ELMO1: variants seen among roughly 807,000 people sequenced by gnomAD.
ELMO1 encodes engulfment and cell motility protein 1.
A neutral mutation model predicts 98.9 loss-of-function variants in ELMO1; 26 were observed. The ratio of observed to expected loss-of-function variants is 0.26; its 90% CI spans 0.19 to 0.36. ELMO1 has a LOEUF of 0.36. ELMO1 is among the 10% of genes least tolerant of loss of function. The pLI is 1.00. For missense variants in ELMO1, 627 were observed against 935.2 expected, an observed-to-expected ratio of 0.67 and a Z score of 4.30; for synonymous variants, 346 against 346.0, an observed-to-expected ratio of 1.00 and a Z score of 0.00.
chr7:37,069,928 A>C (rs1211688064), intron 15 of ELMO1, among the ~76,000 whole-genome samples: 1 of 152,168 alleles, frequency 6.6e-6, no homozygotes, highest in Non-Finnish European at 1.5e-5. Flanking sequence ...CTCTCTCTGC[A>C]TATTTATATC....
At chr7:37,310,560 C>G (rs988360970) in intron 4 of ELMO1, among the ~76,000 whole-genome samples, 1 of 152,184 alleles carries the variant, frequency 6.6e-6, no homozygotes, top group African/African-American at 2.4e-5. Context: ...CCAAGTTACC[C>G]TCAGAAGGAA....
chr7:37,177,464 A>C (rs999408057), intron 13 of ELMO1, among the ~76,000 whole-genome samples: 6 of 152,260 alleles, frequency 3.9e-5, no homozygotes. Flanking sequence ...TTCAAGTTAC[A>C]GCACAATAAT....
At chr7:37,066,294 T>C (rs1796957848) in intron 15 of ELMO1, among the ~76,000 whole-genome samples, 1 of 152,070 alleles carries the variant, frequency 6.6e-6, no homozygotes, top group South Asian at 2.1e-4. Context: ...GCATGTCCAT[T>C]AATGCAAGCA....
Position 37,363,332 on chromosome 7 carries a change from G to A in ELMO1, c.-73-20569C>T, listed in dbSNP as rs537859502. Among the ~76,000 whole-genome samples the A allele has an allele frequency of 5.3e-5, 8 of 152,188 alleles. No homozygotes were observed. The East Asian group carries it at 1.5e-3, about 29-fold the overall frequency. ...ATCTATTCTCTACATAGCCACCAAA[G>A]TCGAAACCACAAAGACTTTCAAACA... On this transcript the variant is annotated intron_variant, in intron 1 of 21. Coordinates refer to ENST00000310758, the MANE Select transcript of ELMO1 (RefSeq NM_014800.11).
intron 1 of ELMO1, among the ~76,000 whole-genome samples, chr7:37,354,886 G>A (rs1324708065): frequency 6.6e-6 from 1 of 152,118 alleles, no homozygotes; most frequent in Non-Finnish European, 1.5e-5. Context: ...CTTCTTTCTT[G>A]GGCCTCTCTC....
chr7:37,012,997 T>A (rs1282095490), intron 16 of ELMO1, among the ~76,000 whole-genome samples: 1 of 152,192 alleles, frequency 6.6e-6, no homozygotes, highest in African/African-American at 2.4e-5. Flanking sequence ...AAACTAATGC[T>A]ATGAAAGAAA....
Position 36,963,716 on chromosome 7 carries a change from T to C in ELMO1, c.1437+49583A>G, listed in dbSNP as rs557027177. On this transcript the variant is annotated intron_variant, in intron 16 of 21. Transcript: ENST00000310758. The stretch of plus-strand genomic sequence containing the variant: ...TAACAGTGTTGATTTGTCACCTATA[T>C]GTCTATACCCAATGTGTCTTCAGTT... 7.2e-5 allele frequency among the ~76,000 whole-genome samples: 11 copies of C among 152,354 alleles called. No homozygotes were observed. The South Asian group carries it at 2.3e-3, about 32-fold the overall frequency.
At chr7:37,024,357 C>T (rs956333625) in intron 15 of ELMO1, among the ~76,000 whole-genome samples, 1 of 152,306 alleles carries the variant, frequency 6.6e-6, no homozygotes, top group South Asian at 2.1e-4. Flanking sequence ...AATGGGAAGC[C>T]ATTAAAGGGG....
At chr7:37,383,068 C>T (rs958494368) in intron 1 of ELMO1, among the ~76,000 whole-genome samples, 6 of 152,124 alleles carry the variant, frequency 3.9e-5, no homozygotes, top group African/African-American at 1.2e-4. Context: ...AATCACAGCA[C>T]AATAATCAAA....
chr7:36,880,660 G>C (rs891029376), intron 18 of ELMO1, among the ~76,000 whole-genome samples: 1 of 152,202 alleles, frequency 6.6e-6, no homozygotes. Context: ...AGCTCCCTCA[G>C]TTCTTCAAGG....
At chr7:36,900,714 C>T (rs1312852820) in intron 16 of ELMO1, among the ~76,000 whole-genome samples, 1 of 152,136 alleles carries the variant, frequency 6.6e-6, no homozygotes, top group Non-Finnish European at 1.5e-5. Flanking sequence ...TACAATCTAC[C>T]CCCAACCAGT....
chr7:37,410,125 C>T (rs1358216284), intron 1 of ELMO1, among the ~76,000 whole-genome samples: 1 of 152,210 alleles, frequency 6.6e-6, no homozygotes, highest in African/African-American at 2.4e-5. Flanking sequence ...CTTTACAATT[C>T]CTGCTGTAAT....
chr7:37,021,146 C>T (rs1037557709), intron 15 of ELMO1, among the ~76,000 whole-genome samples: 7 of 152,012 alleles, frequency 4.6e-5, no homozygotes, highest in Non-Finnish European at 8.8e-5. Flanking sequence ...AAGTTCAGAA[C>T]CTTTTGTAGG....
chr7:37,259,323 G>A lies in ELMO1; in HGVS notation c.271C>T (p.Arg91Ter). The change falls in exon 6 of 22, where the codon CGA becomes TGA. Residue 91 changes from arginine to a stop codon, truncating the protein, a stop_gained. Transcript: ENST00000310758. LOFTEE classifies it high-confidence loss of function. ...GCATCCATACTCGAGGACTGGATTC[G>A]TTCATGGAGCTGCTGGGCGTTCTGA... is the stretch of plus-strand genomic sequence containing the variant. Reference protein sequence around the residue: ...PAQNAQQLHERIQSSSMDAKL... With the variant: ...PAQNAQQLHE The A allele has an allele frequency of 3.1e-6, 5 of 1,614,154 alleles. No homozygotes were observed. The highest frequency in any genetic ancestry group is 2.2e-5 in the East Asian group (1 of 44,888).
intron 16 of ELMO1, among the ~76,000 whole-genome samples, chr7:36,982,292 T>C (rs1016166022): frequency 3.3e-5 from 5 of 152,234 alleles, no homozygotes; most frequent in Admixed American, 3.3e-4. Context: ...ACATGTCATA[T>C]TTCAAAGACT....
chr7:37,384,842 CAATA>C (rs1247816401), intron 1 of ELMO1, among the ~76,000 whole-genome samples: 2 of 152,098 alleles, frequency 1.3e-5, no homozygotes, highest in Non-Finnish European at 2.9e-5. Context: ...CTCTAATCTG[CAATA>C]AAACTAGCAA....
chr7:37,400,199 A>T (rs1284494615), intron 1 of ELMO1, among the ~76,000 whole-genome samples: 1 of 152,204 alleles, frequency 6.6e-6, no homozygotes, highest in Non-Finnish European at 1.5e-5. Flanking sequence ...ATGCTCAGTT[A>T]GTACAGAGGC....
chr7:36,985,218 CA>C, intron 16 of ELMO1: 1 of 655,472 alleles, frequency 1.5e-6, no homozygotes, highest in Non-Finnish European at 1.9e-6. Context: ...TATAACTTTG[CA>C]AACCCTCTCT....
chr7:37,414,050 A>G (rs1804109164), intron 1 of ELMO1, among the ~76,000 whole-genome samples: 1 of 152,100 alleles, frequency 6.6e-6, no homozygotes, highest in African/African-American at 2.4e-5. Flanking sequence ...AAGTCAATTT[A>G]CCTCCACTTT....
Sources: gnomAD v4.1 joint callset for allele counts (sites outside exome capture counted in the v4.1 genomes callset) on GRCh38, gnomAD v4.1.1 for gene constraint, MANE v1.5 for transcripts, NCBI Gene and HGNC (gene_info 2026-07-23, HGNC 2026-07-21) for gene names.